The following VTI1A variants were observed in gnomAD, a reference collection of about 807,000 sequenced individuals.
VTI1A encodes vesicle transport through interaction with t-SNAREs homolog 1A.
In VTI1A, 22 loss-of-function variants were observed where a neutral mutation model predicts 34.9. The ratio of observed to expected loss-of-function variants is 0.63; its 90% confidence interval spans 0.45 to 0.90. The LOEUF (loss-of-function observed/expected upper bound fraction) is 0.90, where lower values mean the gene tolerates loss of function less well. VTI1A is among the 40% of genes least tolerant of loss of function. The pLI, the probability that VTI1A is intolerant of heterozygous loss-of-function variation, is 0.00. For synonymous variants in VTI1A, 87 were observed against 97.3 expected (o/e 0.89, Z 0.62); for missense variants, 268 against 275.6 (o/e 0.97, Z 0.20).
chr10:112,452,056 T>A (rs1443185979), intron 1 of VTI1A, among the ~76,000 whole-genome samples: 11 of 152,222 alleles, frequency 7.2e-5, no homozygotes, highest in Admixed American at 7.2e-4. Context: ...CATGTGTGAC[T>A]TGCATTATAT....
chr10:112,743,338 A>G (rs2133979916), intron 7 of VTI1A, among the ~76,000 whole-genome samples: 1 of 152,300 alleles, frequency 6.6e-6, no homozygotes, highest in East Asian at 1.9e-4. Context: ...CTTTCCAGAG[A>G]TGACTCATGC....
intron 1 of VTI1A, among the ~76,000 whole-genome samples, chr10:112,453,982 G>A (rs1255077817): frequency 1.3e-5 from 2 of 152,124 alleles, no homozygotes; most frequent in African/African-American, 4.8e-5. Context: ...TTAAACACAA[G>A]TTCATACTAG....
intron 7 of VTI1A, among the ~76,000 whole-genome samples, chr10:112,719,212 G>T (rs1214742560): frequency 1.3e-5 from 2 of 152,130 alleles, no homozygotes; most frequent in Non-Finnish European, 2.9e-5. Context: ...AATATATTTT[G>T]TGAGCTGCAA....
chr10:112,771,768 T>C (rs1851820522), intron 7 of VTI1A, among the ~76,000 whole-genome samples: 1 of 152,242 alleles, frequency 6.6e-6, no homozygotes, highest in African/African-American at 2.4e-5. Flanking sequence ...ATGTGCCTAA[T>C]CTGACCATTT....
chr10:112,800,514 T>C (rs1379434885), intron 7 of VTI1A, among the ~76,000 whole-genome samples: 2 of 152,214 alleles, frequency 1.3e-5, no homozygotes, highest in Non-Finnish European at 2.9e-5. Flanking sequence ...ATAGTTCCTA[T>C]AGTTATTTAT....
rs941827 is a variant in VTI1A at position 112,799,128 on chromosome 10, T to A, written c.561-16162T>A. Among the ~76,000 whole-genome samples the A allele has an allele frequency of 1.1e-4, 17 of 152,146 alleles. No homozygotes were observed. In the East Asian group the frequency reaches 3.3e-3, roughly 29 times the overall value. ...TGATCTCAGTGTAGACCCTAGTTAT[T>A]GATGCTGCCACAGAGGCTGAACTTC... is the stretch of plus-strand genomic sequence containing the variant. On this transcript the variant is annotated intron_variant, in intron 7 of 7. Coordinates refer to ENST00000393077, the MANE Select transcript of VTI1A (RefSeq NM_145206.4).
intron 5 of VTI1A, among the ~76,000 whole-genome samples, chr10:112,608,041 A>G (rs1845154715): frequency 6.6e-6 from 1 of 152,158 alleles, no homozygotes; most frequent in African/African-American, 2.4e-5. Flanking sequence ...CCCTGATACA[A>G]CGTGGGAGGG....
At chr10:112,523,353 G>A (rs1850099310) in intron 3 of VTI1A, among the ~76,000 whole-genome samples, 1 of 152,030 alleles carries the variant, frequency 6.6e-6, no homozygotes, top group East Asian at 1.9e-4. Context: ...TAACTCACTT[G>A]TGTCATCAGT....
chr10:112,584,184 G>A (rs1038482650), intron 5 of VTI1A, among the ~76,000 whole-genome samples: 12 of 152,120 alleles, frequency 7.9e-5, no homozygotes, highest in Admixed American at 2.6e-4. Context: ...CCTCCTCTCC[G>A]TAGTATTATT....
intron 5 of VTI1A, among the ~76,000 whole-genome samples, chr10:112,579,672 CA>C (rs1447905129): frequency 1.3e-5 from 2 of 152,136 alleles, no homozygotes; most frequent in African/African-American, 4.8e-5. Flanking sequence ...TTCAGAAACA[CA>C]TTTAAAATAC....
intron 3 of VTI1A, among the ~76,000 whole-genome samples, chr10:112,506,577 AC>A (rs1446478797): frequency 1.3e-5 from 2 of 152,210 alleles, no homozygotes; most frequent in Non-Finnish European, 2.9e-5. Flanking sequence ...AATTCCATTC[AC>A]CTGTCTCTCA....
At chr10:112,621,921 C>T (rs1192493178) in intron 5 of VTI1A, among the ~76,000 whole-genome samples, 1 of 152,144 alleles carries the variant, frequency 6.6e-6, no homozygotes, top group Non-Finnish European at 1.5e-5. Flanking sequence ...ATCTGTCCAC[C>T]GTCCTTGGCT....
chr10:112,447,048 G>A (rs1434511792), upstream of VTI1A: 5 of 314,614 alleles, frequency 1.6e-5, no homozygotes, highest in East Asian at 9.1e-5. Flanking sequence ...CACGAAGGGG[G>A]GAAAAAACGC....
At chr10:112,797,380 G>A (rs145876007) in intron 7 of VTI1A, among the ~76,000 whole-genome samples, 1 of 152,128 alleles carries the variant, frequency 6.6e-6, no homozygotes, top group African/African-American at 2.4e-5. Context: ...TGCTGGGAAC[G>A]CCTGCAGCTT....
At chr10:112,755,437 G>A (rs1445579177) in intron 7 of VTI1A, among the ~76,000 whole-genome samples, 10 of 152,198 alleles carry the variant, frequency 6.6e-5, no homozygotes, top group African/African-American at 2.4e-4. Context: ...TCCTGGTGGA[G>A]AGTGGGTTAA....
At chr10:112,598,529 C>T (rs1227707641) in intron 5 of VTI1A, among the ~76,000 whole-genome samples, 2 of 152,058 alleles carry the variant, frequency 1.3e-5, no homozygotes. Context: ...TTTAAAATGA[C>T]CTTTAAAACC....
chr10:112,854,689 G>A, the VTI1A span, among the ~76,000 whole-genome samples: 1 of 152,210 alleles, frequency 6.6e-6, no homozygotes, highest in African/African-American at 2.4e-5. Flanking sequence ...TGTTCTGCAT[G>A]GAAGCACCAT....
chr10:112,622,189 A>G (rs904648922), intron 5 of VTI1A, among the ~76,000 whole-genome samples: 5 of 152,194 alleles, frequency 3.3e-5, no homozygotes, highest in African/African-American at 1.2e-4. Context: ...ACAACATGCC[A>G]TAAGCCAGTC....
the VTI1A span, chr10:112,827,672 T>C: frequency 6.6e-6 from 1 of 152,242 alleles, no homozygotes; most frequent in South Asian, 2.1e-4. Context: ...TTGATTGTTG[T>C]TTCCTGGAAT....
Sources: allele counts gnomAD v4.1 joint callset (sites outside exome capture counted in the v4.1 genomes callset), GRCh38; gene constraint gnomAD v4.1.1; transcripts MANE v1.5; gene names NCBI Gene and HGNC (gene_info 2026-07-23, HGNC 2026-07-21).